The following ACADM variants were observed in gnomAD, a reference collection of about 807,000 sequenced individuals.
The protein encoded by ACADM is medium-chain specific acyl-CoA dehydrogenase, mitochondrial.
Under a neutral mutation model 58.9 loss-of-function variants are expected in ACADM, and 49 were observed. The ratio of observed to expected loss-of-function variants is 0.83; its 90% CI spans 0.66 to 1.06. The LOEUF (loss-of-function observed/expected upper bound fraction) is 1.06. ACADM is among the 50% of genes least tolerant of loss of function. The pLI is 0.00. For synonymous variants in ACADM, 160 were observed against 157.7 expected, an observed-to-expected ratio of 1.01 and a Z score of -0.11; for missense variants, 496 against 507.0, an observed-to-expected ratio of 0.98 and a Z score of 0.21.
At chr1:75,756,684 C>G (rs1648526086) in intron 10 of ACADM, among the ~76,000 whole-genome samples, 1 of 152,154 alleles carries the variant, frequency 6.6e-6, no homozygotes, top group Non-Finnish European at 1.5e-5. Flanking sequence ...CTACCAATGA[C>G]TTTCTTCACA....
At chr1:75,738,536 A>G (rs565771239) in intron 6 of ACADM, among the ~76,000 whole-genome samples, 93 of 152,166 alleles carry the variant, frequency 6.1e-4, no homozygotes, top group African/African-American at 2.1e-3. Flanking sequence ...GCCCTAAGTA[A>G]TCATTTCTAG....
chr1:75,744,566 C>G lies in ACADM; in HGVS notation c.600-1240C>G, dbSNP rs114567190. 3.8e-3 allele frequency: 5,491 copies of G among 1,447,746 alleles called. 176 individuals are homozygous for G. In the African/African-American group the frequency reaches 0.062, roughly 16 times the overall value. The allele number at this position is 1,447,746 out of a possible 1,614,324, so 89.7% of individuals were successfully genotyped here. A position where few individuals can be genotyped will look rare whatever the true frequency, so the allele number is the denominator to read the frequency against. On this transcript the variant is annotated intron_variant, in intron 7 of 11. Coordinates refer to ENST00000370841, the MANE Select transcript of ACADM (RefSeq NM_000016.6). ...GCAAACGCTGGGGTTTTGACTGTAA[C>G]CAAGTCATACTTGCATACAGTTGTA...
chr1:75,743,420 A>G (rs558300989), intron 7 of ACADM: 640 of 1,609,872 alleles, frequency 4.0e-4, no homozygotes, highest in East Asian at 3.8e-3. Context: ...GGTTCCTCCT[A>G]AAGATCAAAG....
chr1:75,753,386 A>G (rs1174243772), intron 10 of ACADM, among the ~76,000 whole-genome samples: 2 of 149,700 alleles, frequency 1.3e-5, no homozygotes, highest in African/African-American at 4.9e-5. Flanking sequence ...TTTTAGAGGC[A>G]CTTAGAGATT....
At chr1:75,744,688 G>A in intron 7 of ACADM, 1 of 807,512 alleles carries the variant, frequency 1.2e-6, no homozygotes, top group African/African-American at 1.7e-5. Flanking sequence ...CCCAGGCAGG[G>A]AATGTCTCCC....
intron 10 of ACADM, among the ~76,000 whole-genome samples, chr1:75,756,974 TAATA>T (rs1648543105): frequency 6.6e-6 from 1 of 152,166 alleles, no homozygotes; most frequent in Non-Finnish European, 1.5e-5. Flanking sequence ...ATTCCCTATT[TAATA>T]AATGGTGCTG....
chr1:75,750,750 C>CA, intron 10 of ACADM: 1 of 565,174 alleles, frequency 1.8e-6, no homozygotes, highest in East Asian at 3.1e-5. Flanking sequence ...CTGTGCTATG[C>CA]ATTTTTTTTT....
chr1:75,732,595 A>T, intron 2 of ACADM, 49 bp from the exon 3 acceptor site: 1 of 1,421,588 alleles, frequency 7.0e-7, no homozygotes. Context: ...TTCATAGGAC[A>T]TTTTTCCTTG....
At position 75,749,455 on chromosome 1, in the gene ACADM, G is replaced by C; in HGVS notation, c.745G>C (p.Gly249Arg). Residue 249 changes from glycine to arginine, a missense_variant, in exon 9 of 12, where the codon GGA (glycine) becomes CGA (arginine). Gly to Arg is a moderately radical substitution (Grantham distance 125). Coordinates refer to ENST00000370841, the MANE Select transcript of ACADM (RefSeq NM_000016.6). ...NMGQRCSDTR[G>R]IVFEDVKVPK... ...GGGCCAGCGATGTTCAGATACTAGA[G>C]GAATTGTCTTCGAAGATGTGAAAGT... 1 of 1,614,008 alleles carries C rather than the reference G, an allele frequency of 6.2e-7. No homozygotes were observed.
At chr1:75,756,437 A>C (rs1301676629) in intron 10 of ACADM, among the ~76,000 whole-genome samples, 2 of 152,016 alleles carry the variant, frequency 1.3e-5, no homozygotes, top group Non-Finnish European at 2.9e-5. Flanking sequence ...AGAGAGCCAA[A>C]TCATGAGTGA....
At chr1:75,729,885 A>ATTTTTTTTTTTTTTTTT (rs551916973) in intron 2 of ACADM, among the ~76,000 whole-genome samples, 2 of 73,872 alleles carry the variant, frequency 2.7e-5, no homozygotes, top group African/African-American at 1.1e-4. Flanking sequence ...GGGATGGTGG[A>ATTTTTTTTTTTTTTTTT]TTTTTTTTTT....
intron 7 of ACADM, chr1:75,744,135 C>T: frequency 3.2e-6 from 5 of 1,579,586 alleles, no homozygotes; most frequent in Middle Eastern, 3.3e-4. Context: ...CCTTTGCCAG[C>T]TCCTGGCTCA....
intron 2 of ACADM, among the ~76,000 whole-genome samples, chr1:75,730,393 GT>G (rs1349401319): frequency 6.6e-6 from 1 of 152,040 alleles, no homozygotes; most frequent in Non-Finnish European, 1.5e-5. Flanking sequence ...GTTGCATCTG[GT>G]TCTTTATCTG....
intron 1 of ACADM, among the ~76,000 whole-genome samples, chr1:75,725,658 A>G (rs983021273): frequency 6.6e-6 from 1 of 152,242 alleles, no homozygotes; most frequent in Admixed American, 6.5e-5. Context: ...TGACACTCTT[A>G]TATTCCCAAG....
chr1:75,736,897 C>T (rs1001831157), intron 6 of ACADM, among the ~76,000 whole-genome samples: 2 of 151,814 alleles, frequency 1.3e-5, no homozygotes, highest in African/African-American at 2.4e-5. Flanking sequence ...AACAGTTAGC[C>T]CCCATTATAT....
intron 10 of ACADM, among the ~76,000 whole-genome samples, chr1:75,752,006 T>TC (rs929489270): frequency 5.3e-5 from 8 of 151,560 alleles, no homozygotes; most frequent in Non-Finnish European, 1.0e-4. Context: ...TTTTTTTTTT[T>TC]TTTTGAGACA....
At position 75,759,656 on chromosome 1, in the gene ACADM, C is replaced by CTTTTT. The variant is rs34394777; in HGVS notation, c.946-1448_946-1444dup. 5.2e-3 allele frequency among the ~76,000 whole-genome samples: 451 copies of CTTTTT among 87,136 alleles called. 2 individuals carry two copies. The highest frequency in any genetic ancestry group is 0.015 in the East Asian group (35 of 2,364). The allele number at this position is 87,136 out of a possible 152,430, so 57.2% of individuals were successfully genotyped here. On this transcript the variant is annotated intron_variant, in intron 10 of 11. Coordinates refer to ENST00000370841, the MANE Select transcript of ACADM (RefSeq NM_000016.6). Reference sequence around the variant, plus strand: ...ATTTTTCTCTATCTGTAGCAACTTTCTTTTTTTTTTTTTTTTTTTTTTGAG... The same window carrying CTTTTT: ...ATTTTTCTCTATCTGTAGCAACTTTCTTTTTTTTTTTTTTTTTTTTTTTTTTTGAG...
At chr1:75,744,060 C>G (rs1413371604) in intron 7 of ACADM, 2 of 1,586,876 alleles carry the variant, frequency 1.3e-6, no homozygotes, top group African/African-American at 2.7e-5. Flanking sequence ...TTCTGGGCCT[C>G]CTTCAGACGC....
chr1:75,751,507 CG>C (rs1648203753), intron 10 of ACADM, among the ~76,000 whole-genome samples: 1 of 128,098 alleles, frequency 7.8e-6, no homozygotes, highest in Non-Finnish European at 1.8e-5. Flanking sequence ...TTTTTTTTTG[CG>C]GGGGGTGGGA....
Sources: allele counts gnomAD v4.1 joint callset (sites outside exome capture counted in the v4.1 genomes callset), GRCh38; gene constraint gnomAD v4.1.1; transcripts MANE v1.5; gene names NCBI Gene and HGNC (gene_info 2026-07-23, HGNC 2026-07-21).